ZNF443: variants seen among roughly 807,000 people sequenced by gnomAD.
The protein encoded by ZNF443 is zinc finger protein 443, also known as Kruppel-type zinc finger (C2H2).
A neutral mutation model predicts 12.0 loss-of-function variants in ZNF443; 3 were observed. The observed-to-expected ratio is 0.25, with a 90% CI of 0.11 to 0.64. The LOEUF (loss-of-function observed/expected upper bound fraction) is 0.64, where lower values mean the gene tolerates loss of function less well. ZNF443 is among the 30% of genes least tolerant of loss of function. ZNF443 has a pLI of 0.84. For synonymous variants in ZNF443, 225 were observed against 265.9 expected (o/e 0.85, Z 1.50); for missense variants, 770 against 808.8 (o/e 0.95, Z 0.58).
At chr19:12,440,587 C>CCTCG (rs72498111) in intron 1 of ZNF443, among the ~76,000 whole-genome samples, 3,578 of 152,312 alleles carry the variant, frequency 0.023, 66 homozygotes, top group Non-Finnish European at 0.034. Flanking sequence ...CTGCTGCAGC[C>CCTCG]CTCGGCGTCT....
intron 1 of ZNF443, among the ~76,000 whole-genome samples, chr19:12,438,096 CAA>C (rs59499489): frequency 0.02 from 2,578 of 127,030 alleles, 64 homozygotes; most frequent in African/African-American, 0.068. Flanking sequence ...GATGCTGTCT[CAA>C]AAAAAAAAAA....
chr19:12,434,041 A>G (rs931461944), intron 1 of ZNF443, among the ~76,000 whole-genome samples: 1 of 152,192 alleles, frequency 6.6e-6, no homozygotes, highest in Non-Finnish European at 1.5e-5. Flanking sequence ...GAGACTCTGC[A>G]GAGTCCCCAT....
At position 12,431,907 on chromosome 19, in the gene ZNF443, C is replaced by T. The variant is rs1970260000; in HGVS notation, c.265G>A (p.Asp89Asn). ...AGAGTGTTCTTGGTCACAATACTAT[C>T]TTGAATCTGGCTAGATGTTTCTCCA... ...QCGETSSQIQDSIVTKNTLPG... is the reference protein window; with the variant it reads ...QCGETSSQIQNSIVTKNTLPG... Residue 89 changes from aspartate (D) to asparagine (N), a missense_variant, in exon 4 of 4, where the codon GAT becomes AAT. Transcript: ENST00000301547. 3 of 1,613,498 alleles carry T rather than the reference C, an allele frequency of 1.9e-6. No homozygotes were observed. In the East Asian group the frequency reaches 6.7e-5, roughly 36 times the overall value.
rs149854641 is a variant in ZNF443 at position 12,431,546 on chromosome 19, G to T, written c.626C>A (p.Pro209His). 1 of 1,613,806 alleles carries T rather than the reference G, an allele frequency of 6.2e-7. No individual in the cohort carries two copies. The highest frequency in any genetic ancestry group is 2.2e-5 in the East Asian group (1 of 44,890). ...CKLCGKAFFW[P>H]SLLHMHERTH... ...TCTTTCATGCATATGTAATAAACTG[G>T]GCCAAAAAAACGCTTTCCCACACAA... is the stretch of plus-strand genomic sequence containing the variant. Residue 209 changes from proline (P) to histidine (H), a missense_variant, in exon 4 of 4, where the codon CCC becomes CAC. Pro to His is a moderately conservative substitution (Grantham distance 77). Around this residue, in one of 3 missense-constraint regions of ZNF443, gnomAD observed 736 missense variants for 689.4 expected, o/e 1.07. Coordinates refer to ENST00000301547, the MANE Select transcript of ZNF443 (RefSeq NM_005815.5).
intron 1 of ZNF443, among the ~76,000 whole-genome samples, chr19:12,437,682 A>C (rs1970327517): frequency 6.6e-6 from 1 of 152,166 alleles, no homozygotes; most frequent in Non-Finnish European, 1.5e-5. Flanking sequence ...AAGACCTACC[A>C]ATGTGTGCAA....
Position 12,429,928 on chromosome 19 carries a change from T to C in ZNF443, c.*228A>G. 1.4e-6 allele frequency: 1 copy of C among 703,158 alleles called. No homozygotes were observed. 43.6% of individuals were successfully genotyped at this position (703,158 alleles called of 1,614,324 possible). Reference sequence around the variant, plus strand: ...TACAAGAGGATGTGGGTAAGTTACATACAAACATGTCATTTTATAAAAGGG... The same window carrying C: ...TACAAGAGGATGTGGGTAAGTTACACACAAACATGTCATTTTATAAAAGGG... On this transcript the variant is annotated 3_prime_UTR_variant, in exon 4 of 4. Coordinates refer to ENST00000301547, the MANE Select transcript of ZNF443 (RefSeq NM_005815.5).
chr19:12,430,027 T>A lies in ZNF443; in HGVS notation c.*129A>T. The A allele has an allele frequency of 6.5e-7, 1 of 1,544,178 alleles. No individual in the cohort carries two copies. Among genetic ancestry groups the A allele is most frequent in the Non-Finnish European group, 8.8e-7 (1 of 1,142,720 alleles). Reference sequence around the variant, plus strand: ...AGGGATGACTGTACTGGAAAGAAACTGAAACTACTTAAGGCTTTACCAAGT... The same window carrying A: ...AGGGATGACTGTACTGGAAAGAAACAGAAACTACTTAAGGCTTTACCAAGT... On this transcript the variant is annotated 3_prime_UTR_variant, in exon 4 of 4. Transcript: ENST00000301547.
intron 1 of ZNF443, 58 bp downstream of exon 1, chr19:12,440,854 T>A: frequency 6.2e-7 from 1 of 1,613,578 alleles, no homozygotes; most frequent in Non-Finnish European, 8.5e-7. Context: ...CACAGCCGAT[T>A]ACGGCCGGTT....
intron 1 of ZNF443, among the ~76,000 whole-genome samples, chr19:12,434,716 CA>C (rs913479218): frequency 2.0e-5 from 3 of 151,212 alleles, no homozygotes; most frequent in Non-Finnish European, 4.4e-5. Flanking sequence ...TATACATATA[CA>C]TATATATATA....
At position 12,438,033 on chromosome 19, in the gene ZNF443, G is replaced by A. The variant is rs192636132; in HGVS notation, c.3+2879C>T. On this transcript the variant is annotated intron_variant, in intron 1 of 3. Coordinates refer to ENST00000301547, the MANE Select transcript of ZNF443 (RefSeq NM_005815.5). The stretch of plus-strand genomic sequence containing the variant: ...AGAGAATCGCTTGAACGCAGGAGGC[G>A]GAGGTTGCAGTGAGCTGAGATCGTG... Among the ~76,000 whole-genome samples, 992 of 151,908 alleles carry A rather than the reference G, an allele frequency of 6.5e-3. 12 individuals are homozygous for A. Among genetic ancestry groups the A allele is most frequent in the African/African-American group, 0.023 (944 of 41,406 alleles).
intron 1 of ZNF443, among the ~76,000 whole-genome samples, chr19:12,438,096 CAAA>C (rs59499489): frequency 0.053 from 6,721 of 127,004 alleles, 149 homozygotes; most frequent in South Asian, 0.11. Flanking sequence ...GATGCTGTCT[CAAA>C]AAAAAAAAAA....
At chr19:12,433,773 C>T (rs1353106308) in intron 1 of ZNF443, among the ~76,000 whole-genome samples, 7 of 151,336 alleles carry the variant, frequency 4.6e-5, no homozygotes, top group Admixed American at 4.6e-4. Context: ...CACTGATCAG[C>T]CACTGCTAGG....
Position 12,430,592 on chromosome 19 carries a change from G to A in ZNF443, c.1580C>T (p.Thr527Ile). ...TTTACACTCATAAGGTTTCTCTCCT[G>A]TGTGAGTCCTTTTATGTCGAGAAAG... is the stretch of plus-strand genomic sequence containing the variant. ...RYLSRHKRTH[T>I]GEKPYECKTC... Residue 527 changes from threonine to isoleucine, a missense_variant, in exon 4 of 4, where the codon ACA (threonine) becomes ATA (isoleucine). Physicochemically the swap from Thr to Ile is moderately conservative, Grantham distance 89 (BLOSUM62 -1). Coordinates refer to ENST00000301547, the MANE Select transcript of ZNF443 (RefSeq NM_005815.5). 1.9e-6 allele frequency: 3 copies of A among 1,613,540 alleles called. No individual in the cohort carries two copies. The highest frequency in any genetic ancestry group is 2.2e-5 in the South Asian group (2 of 91,050).
At chr19:12,439,510 A>G (rs1380526991) in intron 1 of ZNF443, among the ~76,000 whole-genome samples, 1 of 152,052 alleles carries the variant, frequency 6.6e-6, no homozygotes. Flanking sequence ...TTTTTGAGAC[A>G]GGGTCGGCCT....
chr19:12,436,510 T>C (rs1232519165), intron 1 of ZNF443, among the ~76,000 whole-genome samples: 2 of 151,864 alleles, frequency 1.3e-5, no homozygotes, highest in African/African-American at 2.4e-5. Flanking sequence ...TTTAGCCATA[T>C]AGAATTTATG....
chr19:12,436,773 ACAC>A (rs199642119), intron 1 of ZNF443, among the ~76,000 whole-genome samples: 6,972 of 83,200 alleles, frequency 0.084, 165 homozygotes, highest in South Asian at 0.21. Flanking sequence ...ACACACACAC[ACAC>A]ACACACAAAT....
At position 12,431,194 on chromosome 19, in the gene ZNF443, T is replaced by C. The variant is rs750558963; in HGVS notation, c.978A>G (p.Arg326=). 6 of 1,613,772 alleles carry C rather than the reference T, an allele frequency of 3.7e-6. No homozygotes were observed. The highest frequency in any genetic ancestry group is 3.4e-6 in the Non-Finnish European group (4 of 1,179,904). The change falls in exon 4 of 4, where the codon AGA becomes AGG. Residue 326 remains arginine, a synonymous_variant. Coordinates refer to ENST00000301547, the MANE Select transcript of ZNF443 (RefSeq NM_005815.5). ...KAFSVSGSLQ[R]HETTHSAEKP... ...TCTCTGCACTGTGAGTGGTTTCATG[T>C]CTTTGAAGGGAACCGGAAACACTGA...
At position 12,440,989 on chromosome 19, in the gene ZNF443, T is replaced by C; in HGVS notation, c.-75A>G. 2 of 1,612,424 alleles carry C rather than the reference T, an allele frequency of 1.2e-6. No individual in the cohort carries two copies. Among genetic ancestry groups the C allele is most frequent in the Admixed American group, 3.3e-5 (2 of 59,928 alleles). On this transcript the variant is annotated 5_prime_UTR_variant, in exon 1 of 4. Coordinates refer to ENST00000301547, the MANE Select transcript of ZNF443 (RefSeq NM_005815.5). ...ATGCGTGTTCCAGCCAGACAAAGGCTGCCTCAGAACTTCCAGGTCGTCTCT... is the reference window on the plus strand; with the variant it reads ...ATGCGTGTTCCAGCCAGACAAAGGCCGCCTCAGAACTTCCAGGTCGTCTCT...
chr19:12,436,775 AC>A (rs1352379705), intron 1 of ZNF443, among the ~76,000 whole-genome samples: 6 of 69,550 alleles, frequency 8.6e-5, no homozygotes, highest in South Asian at 1.4e-3. Flanking sequence ...ACACACACAC[AC>A]ACACACAAAT....
Sources: allele counts gnomAD v4.1 joint callset (sites outside exome capture counted in the v4.1 genomes callset), GRCh38; gene constraint gnomAD v4.1.1; regional missense constraint gnomAD v4.1.1; transcripts MANE v1.5; gene names NCBI Gene and HGNC (gene_info 2026-07-23, HGNC 2026-07-21).